EBF1: variants seen among roughly 807,000 people sequenced by gnomAD.
EBF1 encodes the protein EBF transcription factor 1, also known as transcription factor COE1.
A neutral mutation model predicts 68.4 loss-of-function variants in EBF1; 10 were observed. The ratio of observed to expected loss-of-function variants is 0.15; its 90% CI spans 0.09 to 0.25. EBF1 has a LOEUF of 0.25. Among genes scored for constraint, EBF1 ranks in the 10% least tolerant of loss-of-function variants. The pLI is 1.00. For synonymous variants in EBF1, 298 were observed against 299.8 expected (o/e 0.99, Z 0.06); for missense variants, 509 against 794.4 (o/e 0.64, Z 4.32).
At chr5:158,980,745 G>C (rs1007548669) in intron 6 of EBF1, among the ~76,000 whole-genome samples, 1 of 152,148 alleles carries the variant, frequency 6.6e-6, no homozygotes, top group African/African-American at 2.4e-5. Flanking sequence ...GCTACTGAAG[G>C]TGTCTCTATG....
intron 6 of EBF1, among the ~76,000 whole-genome samples, chr5:158,980,591 G>A (rs1052946962): frequency 7.9e-5 from 12 of 152,130 alleles, no homozygotes; most frequent in Admixed American, 2.6e-4. Context: ...TCAACCCCCC[G>A]CAAGCTGTTT....
chr5:159,006,075 T>C (rs1316913092), intron 6 of EBF1, among the ~76,000 whole-genome samples: 2 of 152,178 alleles, frequency 1.3e-5, no homozygotes, highest in South Asian at 2.1e-4. Flanking sequence ...ATTACTCAGT[T>C]TATGGATAAC....
intron 6 of EBF1, among the ~76,000 whole-genome samples, chr5:158,872,429 C>T (rs1797045109): frequency 6.6e-6 from 1 of 152,050 alleles, no homozygotes; most frequent in African/African-American, 2.4e-5. Flanking sequence ...ACTCCTGACC[C>T]CGCGAACTGA....
chr5:158,820,128 C>A (rs1286089870), intron 8 of EBF1, among the ~76,000 whole-genome samples: 1 of 151,988 alleles, frequency 6.6e-6, no homozygotes, highest in Non-Finnish European at 1.5e-5. Flanking sequence ...TAGAGATTTG[C>A]AGAATAGCCC....
chr5:158,969,493 G>A (rs987248027), intron 6 of EBF1, among the ~76,000 whole-genome samples: 2 of 151,436 alleles, frequency 1.3e-5, no homozygotes, highest in African/African-American at 4.9e-5. Context: ...GCCGGGGGCT[G>A]TGGCTCATGC....
chr5:158,965,988 C>A (rs1754031397), intron 6 of EBF1, among the ~76,000 whole-genome samples: 1 of 152,092 alleles, frequency 6.6e-6, no homozygotes, highest in Non-Finnish European at 1.5e-5. Flanking sequence ...AAAAGGTAGA[C>A]AAAATTGGTG....
At chr5:158,865,197 A>G (rs1014144175) in intron 6 of EBF1, among the ~76,000 whole-genome samples, 3 of 152,150 alleles carry the variant, frequency 2.0e-5, no homozygotes, top group Middle Eastern at 6.8e-3. Flanking sequence ...CATCCTGTTC[A>G]CCCTTTTCCA....
At chr5:158,827,098 C>A (rs970304510) in intron 7 of EBF1, among the ~76,000 whole-genome samples, 6 of 152,086 alleles carry the variant, frequency 3.9e-5, no homozygotes, top group Admixed American at 3.9e-4. Flanking sequence ...CAGCATGGTT[C>A]CTGGTTCACA....
chr5:158,873,496 C>T (rs568844737), intron 6 of EBF1, among the ~76,000 whole-genome samples: 2 of 152,326 alleles, frequency 1.3e-5, no homozygotes, highest in South Asian at 4.1e-4. Context: ...TGTATACTGA[C>T]TCATTTCCTT....
chr5:158,755,824 T>C (rs1769950086), intron 10 of EBF1, among the ~76,000 whole-genome samples: 1 of 152,138 alleles, frequency 6.6e-6, no homozygotes, highest in African/African-American at 2.4e-5. Flanking sequence ...GGTCAGGACC[T>C]ATCCGTGGAA....
chr5:158,948,408 A>T (rs1815297739), intron 6 of EBF1, among the ~76,000 whole-genome samples: 2 of 152,280 alleles, frequency 1.3e-5, no homozygotes, highest in Non-Finnish European at 2.9e-5. Context: ...CAGGGGCATT[A>T]TTCAAGCATA....
intron 6 of EBF1, among the ~76,000 whole-genome samples, chr5:158,964,635 A>G (rs530897348): frequency 1.1e-3 from 170 of 152,160 alleles, no homozygotes; most frequent in Non-Finnish European, 1.9e-3. Flanking sequence ...GGCTTCCCCA[A>G]TCCCAGAAAT....
chr5:158,960,816 AC>A (rs1225600091), intron 6 of EBF1, among the ~76,000 whole-genome samples: 1 of 152,160 alleles, frequency 6.6e-6, no homozygotes, highest in Non-Finnish European at 1.5e-5. Context: ...TCATCAGGAT[AC>A]CCAATCAGCC....
intron 6 of EBF1, among the ~76,000 whole-genome samples, chr5:158,999,167 A>C (rs1762028567): frequency 6.6e-6 from 1 of 152,200 alleles, no homozygotes; most frequent in Non-Finnish European, 1.5e-5. Context: ...CTCTGGGATG[A>C]AGCTATGCTG....
At chr5:158,883,376 G>A (rs1562210829) in intron 6 of EBF1, among the ~76,000 whole-genome samples, 1 of 148,572 alleles carries the variant, frequency 6.7e-6, no homozygotes, top group Non-Finnish European at 1.5e-5. Context: ...ATACATACAT[G>A]TATATATATA....
At chr5:158,722,530 A>G (rs1454939666) in intron 11 of EBF1, among the ~76,000 whole-genome samples, 2 of 152,164 alleles carry the variant, frequency 1.3e-5, no homozygotes, top group African/African-American at 4.8e-5. Flanking sequence ...GCATATTTAT[A>G]TTTTTGGACG....
chr5:158,989,407 A>C (rs1759813868), intron 6 of EBF1, among the ~76,000 whole-genome samples: 1 of 152,196 alleles, frequency 6.6e-6, no homozygotes, highest in African/African-American at 2.4e-5. Context: ...GAGAGCAAAC[A>C]CAAACCTCTT....
chr5:158,908,157 C>T (rs1805073814), intron 6 of EBF1, among the ~76,000 whole-genome samples: 1 of 152,136 alleles, frequency 6.6e-6, no homozygotes, highest in Non-Finnish European at 1.5e-5. Context: ...TCACTATATC[C>T]TCATCTTTAC....
intron 6 of EBF1, among the ~76,000 whole-genome samples, chr5:158,910,155 G>T (rs1228941164): frequency 6.6e-6 from 1 of 152,050 alleles, no homozygotes; most frequent in Non-Finnish European, 1.5e-5. Flanking sequence ...TGACTCCAAT[G>T]CTAGCCAAAA....
Sources: gnomAD v4.1 joint callset for allele counts (sites outside exome capture counted in the v4.1 genomes callset) on GRCh38, gnomAD v4.1.1 for gene constraint, MANE v1.5 for transcripts, NCBI Gene and HGNC (gene_info 2026-07-23, HGNC 2026-07-21) for gene names.